RSU1: variants seen among roughly 807,000 people sequenced by gnomAD.
The protein encoded by RSU1 is rsu-1.
A neutral mutation model predicts 31.1 loss-of-function variants in RSU1; 26 were observed. The ratio of observed to expected loss-of-function variants is 0.84; its 90% confidence interval spans 0.61 to 1.16. The LOEUF (loss-of-function observed/expected upper bound fraction) is 1.16. Ranked by LOEUF, RSU1 falls within the 50% of genes most tolerant of loss-of-function variation. RSU1 has a pLI of 0.00. For missense variants in RSU1, 320 were observed against 339.1 expected, an observed-to-expected ratio of 0.94 and a Z score of 0.44; for synonymous variants, 164 against 136.3, an observed-to-expected ratio of 1.20 and a Z score of -1.41.
At chr10:16,711,460 T>C (rs1021251332) in intron 7 of RSU1, among the ~76,000 whole-genome samples, 2 of 152,218 alleles carry the variant, frequency 1.3e-5, no homozygotes, top group African/African-American at 2.4e-5. Context: ...TTTTTCTAGT[T>C]CCTTGTGGTA....
chr10:16,705,972 C>A (rs1210795836), intron 7 of RSU1, among the ~76,000 whole-genome samples: 1 of 152,164 alleles, frequency 6.6e-6, no homozygotes, highest in Non-Finnish European at 1.5e-5. Flanking sequence ...TTGGTTGAAT[C>A]CATGAATGCA....
intron 2 of RSU1, among the ~76,000 whole-genome samples, chr10:16,791,629 AAAAAAC>A (rs1837916384): frequency 7.1e-6 from 1 of 141,170 alleles, no homozygotes; most frequent in African/African-American, 2.7e-5. Flanking sequence ...CTCCGTCTCA[AAAAAAC>A]AAAAAAAAAA....
intron 8 of RSU1, among the ~76,000 whole-genome samples, chr10:16,614,982 G>A (rs770475151): frequency 2.0e-5 from 3 of 152,152 alleles, no homozygotes; most frequent in African/African-American, 7.2e-5. Context: ...ATCAACTAAT[G>A]TGCAAAATAA....
At chr10:16,753,057 T>A (rs1837012624) in intron 5 of RSU1, 57 bp from the exon 6 acceptor site, 10 of 1,373,612 alleles carry the variant, frequency 7.3e-6, no homozygotes, top group East Asian at 4.6e-5. Flanking sequence ...CCATTTGAGG[T>A]CTGATCAATA....
intron 8 of RSU1, among the ~76,000 whole-genome samples, chr10:16,631,387 C>T (rs1013528153): frequency 3.3e-5 from 5 of 152,272 alleles, no homozygotes; most frequent in South Asian, 2.1e-4. Context: ...TCAGAGAGTG[C>T]GCTTGTCCAG....
chr10:16,644,534 A>G (rs973368839), intron 8 of RSU1, among the ~76,000 whole-genome samples: 7 of 152,328 alleles, frequency 4.6e-5, no homozygotes, highest in African/African-American at 1.7e-4. Flanking sequence ...GAGGAAATTG[A>G]GCCCTAAGAG....
At chr10:16,808,263 A>C (rs1039047719) in intron 2 of RSU1, among the ~76,000 whole-genome samples, 8 of 151,946 alleles carry the variant, frequency 5.3e-5, no homozygotes, top group Non-Finnish European at 4.4e-5. Context: ...GGATCACCTG[A>C]GGCCAGGATT....
intron 7 of RSU1, among the ~76,000 whole-genome samples, chr10:16,705,592 G>A (rs1011294053): frequency 6.6e-6 from 1 of 152,018 alleles, no homozygotes; most frequent in African/African-American, 2.4e-5. Flanking sequence ...CAGTTCAAAC[G>A]ATTTTCCTGC....
chr10:16,604,468 G>A lies in RSU1; in HGVS notation c.732-10972C>T, dbSNP rs148282777. Among the ~76,000 whole-genome samples the A allele has an allele frequency of 2.1e-5, 3 of 143,582 alleles. No homozygotes were observed. In the East Asian group the frequency reaches 6.4e-4, roughly 31 times the overall value. The allele number at this position is 143,582 out of a possible 152,430, so 94.2% of individuals were successfully genotyped here. On this transcript the variant is annotated intron_variant, in intron 8 of 8. Transcript: ENST00000345264. ...AGGAGGAATCACAGAAAACAACACA[G>A]CACCGCCCACCCGGCACACGCGATC...
intron 3 of RSU1, among the ~76,000 whole-genome samples, chr10:16,772,641 GAAAAAAAAAAAAAAAA>G (rs60460081): frequency 1.5e-5 from 1 of 64,774 alleles, no homozygotes; most frequent in Admixed American, 1.8e-4. Context: ...AGTAGAATAT[GAAAAAAAAAAAAAAAA>G]AAAACAAGAA....
intron 8 of RSU1, among the ~76,000 whole-genome samples, chr10:16,671,022 T>A (rs1412914960): frequency 6.6e-6 from 1 of 152,172 alleles, no homozygotes; most frequent in Admixed American, 6.5e-5. Flanking sequence ...TGCCTCGGCT[T>A]CCCAAAATAC....
At chr10:16,817,214 G>A (rs965768304) in intron 1 of RSU1, 101 bp downstream of exon 1, 17 of 679,656 alleles carry the variant, frequency 2.5e-5, no homozygotes, top group Non-Finnish European at 4.0e-5. Flanking sequence ...GCGTCCCAGG[G>A]GCTGGTCCGG....
intron 8 of RSU1, among the ~76,000 whole-genome samples, chr10:16,647,864 C>T (rs1588693499): frequency 6.6e-6 from 1 of 152,262 alleles, no homozygotes; most frequent in African/African-American, 2.4e-5. Flanking sequence ...AACTCCACCA[C>T]CACATGAGCT....
Position 16,646,006 on chromosome 10 carries a change from G to GTA in RSU1, c.731+49015_731+49016dup, listed in dbSNP as rs1266933516. Among the ~76,000 whole-genome samples, 39 of 53,314 alleles carry GTA rather than the reference G, an allele frequency of 7.3e-4. 5 individuals carry two copies. The highest frequency in any genetic ancestry group is 2.6e-3 in the South Asian group (4 of 1,534). 35.0% of individuals were successfully genotyped at this position (53,314 alleles called of 152,430 possible). On this transcript the variant is annotated intron_variant, in intron 8 of 8. Transcript: ENST00000345264. ...TATACATATATGTGTATATATATGT[G>GTA]TATATACATATATGTGTATATATAT...
At chr10:16,711,465 G>T (rs1016928194) in intron 7 of RSU1, among the ~76,000 whole-genome samples, 1 of 151,894 alleles carries the variant, frequency 6.6e-6, no homozygotes, top group African/African-American at 2.4e-5. Context: ...CTAGTTCCTT[G>T]TGGTACGTCA....
At chr10:16,713,816 T>C (rs1355808781) in intron 7 of RSU1, among the ~76,000 whole-genome samples, 2 of 152,146 alleles carry the variant, frequency 1.3e-5, no homozygotes, top group Non-Finnish European at 2.9e-5. Context: ...CCTTTCCAGG[T>C]TTATGAAGTA....
intron 8 of RSU1, among the ~76,000 whole-genome samples, chr10:16,687,087 C>T (rs1026127310): frequency 1.3e-5 from 2 of 152,150 alleles, no homozygotes; most frequent in African/African-American, 4.8e-5. Context: ...AAGAAAGCAA[C>T]GTGGATATGG....
In RSU1 at chr10:16,695,160, G is replaced by GGGGC; in HGVS notation, c.599-6_599-5insGCCC. 1.4e-6 allele frequency: 2 copies of GGGGC among 1,476,346 alleles called. No homozygotes were observed. Among genetic ancestry groups the GGGGC allele is most frequent in the Non-Finnish European group, 1.8e-6 (2 of 1,099,326 alleles). The allele number at this position is 1,476,346 out of a possible 1,614,324, so 91.5% of individuals were successfully genotyped here. Reference sequence around the variant, plus strand: ...GGCCAGTTAAATCCAAGTTTCCTGGGGGGGGGGAAAAAAAAAGTGAAGGTC... The same window carrying GGGGC: ...GGCCAGTTAAATCCAAGTTTCCTGGGGGGCGGGGGGGAAAAAAAAAGTGAAGGTC... On this transcript the variant is annotated splice_polypyrimidine_tract_variant and splice_region_variant and intron_variant, in intron 7 of 8. Coordinates refer to ENST00000345264, the MANE Select transcript of RSU1 (RefSeq NM_012425.4).
At chr10:16,688,866 G>A (rs899315791) in intron 8 of RSU1, among the ~76,000 whole-genome samples, 1 of 147,904 alleles carries the variant, frequency 6.8e-6, no homozygotes, top group Non-Finnish European at 1.5e-5. Flanking sequence ...AAACTAGCCA[G>A]GCGTTGTGGT....
Sources: gnomAD v4.1 joint callset for allele counts (sites outside exome capture counted in the v4.1 genomes callset) on GRCh38, gnomAD v4.1.1 for gene constraint, MANE v1.5 for transcripts, NCBI Gene and HGNC (gene_info 2026-07-23, HGNC 2026-07-21) for gene names.